Variants in CRYBG2 observed in about 807,000 individuals in gnomAD.
The protein encoded by CRYBG2 is beta/gamma crystallin domain-containing protein 2.
In CRYBG2, 106 loss-of-function variants were observed where a neutral mutation model predicts 153.4. The ratio of observed to expected loss-of-function variants is 0.69; its 90% CI spans 0.59 to 0.81. CRYBG2 has a LOEUF of 0.81. Among genes scored for constraint, CRYBG2 ranks in the 30% least tolerant of loss-of-function variants. The pLI, the probability that CRYBG2 is intolerant of heterozygous loss-of-function variation, is 0.00. For missense variants in CRYBG2, 1,996 were observed against 2,112.0 expected (o/e 0.95, Z 1.08); for synonymous variants, 851 against 877.8 (o/e 0.97, Z 0.54).
At chr1:26,347,284 GTTTTTTTTTTT>G (rs1198055868) in intron 1 of CRYBG2, among the ~76,000 whole-genome samples, 2 of 73,894 alleles carry the variant, frequency 2.7e-5, no homozygotes, top group Non-Finnish European at 2.4e-5. Context: ...CTCCCCCTGC[GTTTTTTTTTTT>G]TTTTTTTTTT....
intron 10 of CRYBG2, 114 bp from the exon 11 acceptor site, chr1:26,337,094 G>A: frequency 1.3e-6 from 2 of 1,556,250 alleles, no homozygotes; most frequent in Admixed American, 1.8e-5. Flanking sequence ...CTGTCAGTAC[G>A]ACCTGGAGAA....
rs556499795 is a variant in CRYBG2, at chr1:26,324,248, A to G, written c.4641T>C (p.His1547=). ...CACGGCCTGCTTTCATGTCCTCCACATGGTCCGGCACTGCCAGGAATCCCC... is the reference window on the plus strand; with the variant it reads ...CACGGCCTGCTTTCATGTCCTCCACGTGGTCCGGCACTGCCAGGAATCCCC... ...ALGGFLAVPD[H]VEDMKAGRVV... Residue 1547 remains histidine (H), a synonymous_variant, in exon 18 of 20, where the codon CAT becomes CAC. Coordinates refer to ENST00000308182, the MANE Select transcript of CRYBG2 (RefSeq NM_001039775.4). The G allele has an allele frequency of 2.5e-6, 4 of 1,612,494 alleles. No homozygotes were observed. The highest frequency in any genetic ancestry group is 2.2e-5 in the East Asian group (1 of 44,870).
At chr1:26,332,916 A>G (rs2074013759) in intron 14 of CRYBG2, among the ~76,000 whole-genome samples, 1 of 150,884 alleles carries the variant, frequency 6.6e-6, no homozygotes, top group Non-Finnish European at 1.5e-5. Flanking sequence ...AACAAAATAT[A>G]AATATTTGGC....
intron 16 of CRYBG2, 110 bp downstream of exon 16, chr1:26,328,624 T>G: frequency 6.9e-7 from 1 of 1,449,086 alleles, no homozygotes; most frequent in East Asian, 2.3e-5. Flanking sequence ...TGGAGGGGAG[T>G]GGGGGAAAAG....
chr1:26,338,321 C>A, intron 7 of CRYBG2, 30 bp downstream of exon 7: 1 of 1,566,248 alleles, frequency 6.4e-7, no homozygotes, highest in South Asian at 1.2e-5. Flanking sequence ...GCCTAGACCT[C>A]CTGGCCTGTG....
In CRYBG2 at chr1:26,343,385, C is replaced by T; in HGVS notation, c.2914-92G>A. The T allele has an allele frequency of 7.1e-7, 1 of 1,410,328 alleles. No homozygotes were observed. Among genetic ancestry groups the T allele is most frequent in the East Asian group, 2.5e-5 (1 of 40,224 alleles). 87.4% of individuals were successfully genotyped at this position (1,410,328 alleles called of 1,614,324 possible). ...CCATTCCAAGGATCCCACATCCTCC[C>T]TATTAACCTCCACCCGCAAGGAGCT... On this transcript the variant is annotated intron_variant, in intron 2 of 19. Transcript: ENST00000308182. This position sits in a 1 kb window ranked among gnomAD's most constrained non-coding sequence, Gnocchi z 4.1.
At position 26,346,564 on chromosome 1, in the gene CRYBG2, T is replaced by A. The variant is rs760257297; in HGVS notation, c.94A>T (p.Ile32Phe). The A allele has an allele frequency of 5.0e-6, 8 of 1,608,548 alleles. No homozygotes were observed. In the Admixed American group the frequency reaches 1.0e-4, roughly 20 times the overall value. Reference protein sequence around the residue: ...WRQRPPTQEEIKHGFHKVSLV... With the variant: ...WRQRPPTQEEFKHGFHKVSLV... ...GACACCTTGTGAAAACCATGTTTGATCTCTTCCTGGGTGGGGGGCCGCTGC... is the reference window on the plus strand; with the variant it reads ...GACACCTTGTGAAAACCATGTTTGAACTCTTCCTGGGTGGGGGGCCGCTGC... Residue 32 changes from isoleucine (I) to phenylalanine (F), a missense_variant, in exon 2 of 20, where the codon ATC becomes TTC. Ile to Phe is a conservative substitution (Grantham distance 21). Coordinates refer to ENST00000308182, the MANE Select transcript of CRYBG2 (RefSeq NM_001039775.4). The surrounding 1 kb of genome is among the most constrained non-coding windows in gnomAD (Gnocchi z 4.9).
intron 14 of CRYBG2, among the ~76,000 whole-genome samples, chr1:26,334,573 C>G (rs761624271): frequency 1.3e-5 from 2 of 152,016 alleles, no homozygotes; most frequent in East Asian, 3.9e-4. Context: ...GTTTAAGACA[C>G]GGTAATTTGA....
Position 26,322,280 on chromosome 1 carries a change from GGGC to G in CRYBG2, c.4778_4780del (p.Ser1593_Pro1594delinsThr). 6.2e-7 allele frequency: 1 copy of G among 1,613,866 alleles called. No homozygotes were observed. Among genetic ancestry groups the G allele is most frequent in the Non-Finnish European group, 8.5e-7 (1 of 1,180,016 alleles). On this transcript the variant is annotated inframe_deletion, in exon 19 of 20. Transcript: ENST00000308182. ...GGCCCACAGCACCACCTTGGAGCCT[GGGC>G]TAGGGGGTCCAATCACCTGTAGGCT...
At chr1:26,327,777 C>T (rs1336827517) in intron 17 of CRYBG2, among the ~76,000 whole-genome samples, 10 of 151,622 alleles carry the variant, frequency 6.6e-5, no homozygotes, top group East Asian at 3.9e-4. Context: ...TGAAACCCTG[C>T]CTCTACTAAA....
At chr1:26,350,726 A>G (rs2074277036) in intron 1 of CRYBG2, among the ~76,000 whole-genome samples, 1 of 151,896 alleles carries the variant, frequency 6.6e-6, no homozygotes, top group Non-Finnish European at 1.5e-5. Flanking sequence ...CCTGACTTCC[A>G]AGCTACACTG....
chr1:26,340,927 C>T (rs2074121641), intron 5 of CRYBG2, among the ~76,000 whole-genome samples: 1 of 151,448 alleles, frequency 6.6e-6, no homozygotes, highest in Non-Finnish European at 1.5e-5. Flanking sequence ...TCTGGAGAGG[C>T]TTTGTAAACT....
chr1:26,344,933 C>A lies in CRYBG2; in HGVS notation c.1725G>T (p.Leu575Phe). Residue 575 changes from leucine to phenylalanine, a missense_variant, in exon 2 of 20, where the codon TTG becomes TTT. By Grantham distance (22) the Leu-to-Phe change is conservative (BLOSUM62 0). Coordinates refer to ENST00000308182, the MANE Select transcript of CRYBG2 (RefSeq NM_001039775.4). ...TCACAACCTCTTTTGGGGTGGTGGA[C>A]AAGGCAGCAGGAGCACCAGACCCCT... is the stretch of plus-strand genomic sequence containing the variant. ...VVQGSGAPAALSTTPKEVVKG... is the reference protein window; with the variant it reads ...VVQGSGAPAAFSTTPKEVVKG... The A allele has an allele frequency of 6.5e-7, 1 of 1,534,306 alleles. No homozygotes were observed. Among genetic ancestry groups the A allele is most frequent in the Non-Finnish European group, 8.7e-7 (1 of 1,148,012 alleles).
chr1:26,327,948 CA>C (rs71581056), intron 17 of CRYBG2, among the ~76,000 whole-genome samples: 105 of 104,952 alleles, frequency 1.0e-3, no homozygotes, highest in Admixed American at 1.7e-3. Flanking sequence ...CTCTGTCACA[CA>C]AAAAAAAAAA....
intron 1 of CRYBG2, among the ~76,000 whole-genome samples, chr1:26,350,006 G>T (rs1020781247): frequency 6.6e-6 from 1 of 151,776 alleles, no homozygotes; most frequent in African/African-American, 2.4e-5. Flanking sequence ...GTAGAGTTGG[G>T]GTTTCACTAT....
intron 10 of CRYBG2, 82 bp downstream of exon 10, chr1:26,337,171 A>G (rs1181050969): frequency 6.3e-7 from 1 of 1,586,732 alleles, no homozygotes; most frequent in Non-Finnish European, 8.6e-7. Flanking sequence ...GAGGGGGTAC[A>G]AATTCTTCCC....
Position 26,346,151 on chromosome 1 carries a change from G to T in CRYBG2, c.507C>A (p.Leu169=). ...VGLTSGSSRS[L]EEYRVTRTVR... Reference sequence around the variant, plus strand: ...CAGTGCGTGTCACTCGGTATTCCTCGAGGCTCCGGGAGCTACCACTGGTGA... The same window carrying T: ...CAGTGCGTGTCACTCGGTATTCCTCTAGGCTCCGGGAGCTACCACTGGTGA... The change falls in exon 2 of 20, where the codon CTC becomes CTA. Residue 169 remains leucine (L), a synonymous_variant. Transcript: ENST00000308182. This position sits in a 1 kb window ranked among gnomAD's most constrained non-coding sequence, Gnocchi z 4.9. 1 of 1,553,736 alleles carries T rather than the reference G, an allele frequency of 6.4e-7. No homozygotes were observed. The highest frequency in any genetic ancestry group is 1.2e-5 in the South Asian group (1 of 84,490).
intron 17 of CRYBG2, among the ~76,000 whole-genome samples, chr1:26,326,333 C>A (rs79373257): frequency 2.6e-5 from 4 of 151,872 alleles, no homozygotes; most frequent in Non-Finnish European, 4.4e-5. Context: ...GTCAGGAGAT[C>A]GAGACCATCC....
intron 18 of CRYBG2, among the ~76,000 whole-genome samples, chr1:26,322,815 A>AAAAC (rs1290076777): frequency 2.0e-5 from 3 of 152,126 alleles, no homozygotes; most frequent in Non-Finnish European, 4.4e-5. Context: ...AGTAAAAGAC[A>AAAAC]AAACCTCTCA....
Sources: gnomAD v4.1 joint callset for allele counts (sites outside exome capture counted in the v4.1 genomes callset) on GRCh38, gnomAD v4.1.1 for gene constraint, Gnocchi (gnomAD v3.1) non-coding constraint, MANE v1.5 for transcripts, NCBI Gene and HGNC (gene_info 2026-07-23, HGNC 2026-07-21) for gene names.